CGRRF1: variants seen among roughly 807,000 people sequenced by gnomAD.
CGRRF1 encodes cell growth regulator with RING finger domain protein 1.
In CGRRF1, 32 loss-of-function variants were observed where a neutral mutation model predicts 37.2. The observed-to-expected ratio is 0.86, with a 90% CI of 0.65 to 1.16. The LOEUF (loss-of-function observed/expected upper bound fraction) is 1.16, where lower values mean the gene tolerates loss of function less well. Among genes scored for constraint, CGRRF1 ranks in the 50% most tolerant of loss-of-function variants. The pLI is 0.00. For missense variants in CGRRF1, 391 were observed against 382.6 expected, an observed-to-expected ratio of 1.02 and a Z score of -0.18; for synonymous variants, 141 against 140.3, an observed-to-expected ratio of 1.00 and a Z score of -0.04.
chr14:54,533,778 T>C (rs1243475226), intron 4 of CGRRF1, among the ~76,000 whole-genome samples: 1 of 152,084 alleles, frequency 6.6e-6, no homozygotes, highest in Non-Finnish European at 1.5e-5. Context: ...ATTTTTTCAT[T>C]TTTAGTTAAT....
At chr14:54,513,879 T>A (rs1470541867) in intron 1 of CGRRF1, among the ~76,000 whole-genome samples, 2 of 152,196 alleles carry the variant, frequency 1.3e-5, no homozygotes, top group Non-Finnish European at 2.9e-5. Flanking sequence ...TAGAATTACC[T>A]AGCCTTTGTC....
rs553770858 is a variant in CGRRF1, at chr14:54,533,626, T to A, written c.570+2576T>A. ...TGTATGTGCGTGTCAGGGACTATAT[T>A]TTTTTAAAAAATTTATTAATAAAAT... On this transcript the variant is annotated intron_variant, in intron 4 of 5. Coordinates refer to ENST00000216420, the MANE Select transcript of CGRRF1 (RefSeq NM_006568.3). Among the ~76,000 whole-genome samples the A allele has an allele frequency of 1.8e-3, 268 of 150,984 alleles. 1 individual carries two copies. Among genetic ancestry groups the A allele is most frequent in the African/African-American group, 6.0e-3 (247 of 41,420 alleles).
At chr14:54,521,573 C>T (rs953163750) in intron 1 of CGRRF1, among the ~76,000 whole-genome samples, 2 of 151,666 alleles carry the variant, frequency 1.3e-5, no homozygotes, top group East Asian at 2.0e-4. Context: ...GGCACGATCT[C>T]GGCTCACTGC....
intron 2 of CGRRF1, among the ~76,000 whole-genome samples, chr14:54,526,214 A>G (rs1279617293): frequency 2.1e-5 from 3 of 145,228 alleles, no homozygotes; most frequent in African/African-American, 7.7e-5. Flanking sequence ...CAGTGGTGCA[A>G]TCTTGGCTCA....
chr14:54,529,221 G>A (rs1473182194), intron 2 of CGRRF1, among the ~76,000 whole-genome samples: 1 of 152,102 alleles, frequency 6.6e-6, no homozygotes, highest in African/African-American at 2.4e-5. Context: ...TGCACCCCCA[G>A]CAGTATGAAA....
chr14:54,524,271 A>G (rs1476909607), intron 2 of CGRRF1, among the ~76,000 whole-genome samples: 1 of 151,998 alleles, frequency 6.6e-6, no homozygotes, highest in South Asian at 2.1e-4. Context: ...ATTCTTGTCT[A>G]TTCATCTTTC....
At chr14:54,527,697 G>A (rs2032436477) in intron 2 of CGRRF1, among the ~76,000 whole-genome samples, 1 of 150,136 alleles carries the variant, frequency 6.7e-6, no homozygotes, top group Non-Finnish European at 1.5e-5. Context: ...AAACAGGGTA[G>A]TTTTATATGT....
At position 54,510,078 on chromosome 14, in the gene CGRRF1, G is replaced by A. The variant is rs766048087; in HGVS notation, c.104+15G>A. 10 of 1,576,974 alleles carry A rather than the reference G, an allele frequency of 6.3e-6. No individual in the cohort carries two copies. Among genetic ancestry groups the A allele is most frequent in the Non-Finnish European group, 7.8e-6 (9 of 1,146,920 alleles). On this transcript the variant is annotated intron_variant, in intron 1 of 5. Coordinates refer to ENST00000216420, the MANE Select transcript of CGRRF1 (RefSeq NM_006568.3). ...GTATTGGGATGGTAAGTGTCCCAGG[G>A]GTGAGAGACGAAGGGGCGGATACCG...
intron 2 of CGRRF1, 138 bp downstream of exon 2, chr14:54,522,731 G>C (rs1024538542): frequency 1.3e-6 from 1 of 799,468 alleles, no homozygotes; most frequent in South Asian, 1.8e-5. Context: ...TCCAGGTGCT[G>C]TACTGTATAT....
chr14:54,519,832 A>T (rs2032286250), intron 1 of CGRRF1, among the ~76,000 whole-genome samples: 1 of 152,234 alleles, frequency 6.6e-6, no homozygotes, highest in Non-Finnish European at 1.5e-5. Context: ...CATACAGAAT[A>T]CTAGAAAGAA....
intron 1 of CGRRF1, among the ~76,000 whole-genome samples, chr14:54,517,446 G>T (rs1448202841): frequency 6.6e-6 from 1 of 152,028 alleles, no homozygotes; most frequent in East Asian, 1.9e-4. Context: ...TAATTTTATT[G>T]GTTATCTTTC....
intron 3 of CGRRF1, chr14:54,530,612 G>A (rs2032496761): frequency 1.2e-6 from 1 of 859,658 alleles, no homozygotes; most frequent in Non-Finnish European, 1.8e-6. Flanking sequence ...ATACCCATTA[G>A]CACTGAAAAT....
chr14:54,525,778 A>G (rs530753773), intron 2 of CGRRF1, among the ~76,000 whole-genome samples: 5 of 152,324 alleles, frequency 3.3e-5, no homozygotes, highest in African/African-American at 1.2e-4. Context: ...GAGGGTGAAT[A>G]ATCTAGAGAC....
chr14:54,520,204 G>C (rs1253656217), intron 1 of CGRRF1, among the ~76,000 whole-genome samples: 1 of 152,114 alleles, frequency 6.6e-6, no homozygotes, highest in Non-Finnish European at 1.5e-5. Flanking sequence ...AGACTCCCAG[G>C]TTCACGCCAT....
rs1184650641 is a variant in CGRRF1, at chr14:54,538,645, A to G, written c.*262A>G. 1 of 271,974 alleles carries G rather than the reference A, an allele frequency of 3.7e-6. No homozygotes were observed. Among genetic ancestry groups the G allele is most frequent in the African/African-American group, 2.2e-5 (1 of 45,448 alleles). The allele number at this position is 271,974 out of a possible 1,614,324, so 16.8% of individuals were successfully genotyped here. A position where few individuals can be genotyped will look rare whatever the true frequency, so the allele number is the denominator to read the frequency against. ...AAGAGTTTGGCCTTTTATTAGCTAG[A>G]TTTCCTCTCATGTTAATTAGAAAAA... On this transcript the variant is annotated 3_prime_UTR_variant, in exon 6 of 6. Coordinates refer to ENST00000216420, the MANE Select transcript of CGRRF1 (RefSeq NM_006568.3).
chr14:54,529,587 A>G (rs558292848), intron 2 of CGRRF1, among the ~76,000 whole-genome samples: 1 of 152,168 alleles, frequency 6.6e-6, no homozygotes, highest in Non-Finnish European at 1.5e-5. Flanking sequence ...TTTCTTTTTA[A>G]TATTTTTCTT....
intron 1 of CGRRF1, among the ~76,000 whole-genome samples, chr14:54,520,260 C>T (rs2032293329): frequency 6.6e-6 from 1 of 152,004 alleles, no homozygotes; most frequent in Non-Finnish European, 1.5e-5. Context: ...AGGCGCCCAC[C>T]ACCACGCCTG....
intron 2 of CGRRF1, among the ~76,000 whole-genome samples, chr14:54,528,686 T>C (rs2032457811): frequency 6.6e-6 from 1 of 152,208 alleles, no homozygotes; most frequent in Non-Finnish European, 1.5e-5. Context: ...AATGTTTTCC[T>C]TCAGCTATTT....
intron 1 of CGRRF1, among the ~76,000 whole-genome samples, chr14:54,516,002 C>T (rs2032209246): frequency 6.6e-6 from 1 of 152,022 alleles, no homozygotes; most frequent in African/African-American, 2.4e-5. Flanking sequence ...CTTTTCCCCT[C>T]TTTTATTTTA....
Sources: allele counts gnomAD v4.1 joint callset (sites outside exome capture counted in the v4.1 genomes callset), GRCh38; gene constraint gnomAD v4.1.1; transcripts MANE v1.5; gene names NCBI Gene and HGNC (gene_info 2026-07-23, HGNC 2026-07-21).